LDLRAD4: variants seen among roughly 807,000 people sequenced by gnomAD.
LDLRAD4 encodes low density lipoprotein receptor class A domain containing 4.
In LDLRAD4, 5 loss-of-function variants were observed where a neutral mutation model predicts 17.0. The ratio of observed to expected loss-of-function variants is 0.29; its 90% CI spans 0.15 to 0.62. LDLRAD4 has a LOEUF of 0.62. Among genes scored for constraint, LDLRAD4 ranks in the 20% least tolerant of loss-of-function variants. The probability of loss-of-function intolerance (pLI) is 0.84; values close to 1 mark genes in which losing one functional copy is unlikely to be tolerated. For synonymous variants in LDLRAD4, 168 were observed against 171.8 expected (o/e 0.98, Z 0.17); for missense variants, 340 against 424.7 (o/e 0.80, Z 1.75).
chr18:13,231,742 C>T (rs573828320), intron 1 of LDLRAD4, among the ~76,000 whole-genome samples: 1 of 152,312 alleles, frequency 6.6e-6, no homozygotes, highest in East Asian at 1.9e-4. Flanking sequence ...TTTTCACAGA[C>T]AACATCTAAT....
intron 1 of LDLRAD4, among the ~76,000 whole-genome samples, chr18:13,229,605 T>G (rs2145479986): frequency 6.6e-6 from 1 of 152,278 alleles, no homozygotes; most frequent in Admixed American, 6.5e-5. Flanking sequence ...GGTTTTACAA[T>G]CACGTCTTGA....
chr18:13,333,962 A>G (rs916131285), intron 1 of LDLRAD4, among the ~76,000 whole-genome samples: 1 of 152,180 alleles, frequency 6.6e-6, no homozygotes, highest in Non-Finnish European at 1.5e-5. Context: ...TTTGATTGCA[A>G]TTGCATTGAA....
At chr18:13,368,274 T>A (rs2084215580) in intron 1 of LDLRAD4, among the ~76,000 whole-genome samples, 1 of 151,732 alleles carries the variant, frequency 6.6e-6, no homozygotes, top group Non-Finnish European at 1.5e-5. Flanking sequence ...GGGGATGAGC[T>A]AAGGAGGAAG....
At chr18:13,540,138 T>C (rs1451791846) in intron 3 of LDLRAD4, among the ~76,000 whole-genome samples, 1 of 152,214 alleles carries the variant, frequency 6.6e-6, no homozygotes, top group Non-Finnish European at 1.5e-5. Context: ...AAACAGAATA[T>C]TTTGTTTGGT....
chr18:13,425,848 C>T (rs1189404349), intron 2 of LDLRAD4: 1 of 152,428 alleles, frequency 6.6e-6, no homozygotes, highest in Non-Finnish European at 1.5e-5. Context: ...TGGGCGGGGC[C>T]TGGGTGGTGT....
chr18:13,520,286 C>T (rs1326058641), intron 3 of LDLRAD4: 1 of 152,188 alleles, frequency 6.6e-6, no homozygotes, highest in African/African-American at 2.4e-5. Flanking sequence ...TTGGCATCCT[C>T]TGATCGAGAG....
intron 1 of LDLRAD4, among the ~76,000 whole-genome samples, chr18:13,356,583 A>G (rs2083356249): frequency 6.6e-6 from 1 of 152,226 alleles, no homozygotes; most frequent in African/African-American, 2.4e-5. Flanking sequence ...ACAGGTACAG[A>G]AAAGATAAGA....
intron 1 of LDLRAD4, among the ~76,000 whole-genome samples, chr18:13,318,519 C>A (rs765663537): frequency 8.5e-5 from 13 of 152,152 alleles, no homozygotes; most frequent in Non-Finnish European, 1.8e-4. Flanking sequence ...GCCTTAGCCT[C>A]CCAAAATGCT....
intron 1 of LDLRAD4, among the ~76,000 whole-genome samples, chr18:13,347,214 T>C (rs2082745737): frequency 6.6e-6 from 1 of 152,248 alleles, no homozygotes; most frequent in Non-Finnish European, 1.5e-5. Flanking sequence ...TGGTACTGGT[T>C]GTTCCTTTCC....
intron 1 of LDLRAD4, among the ~76,000 whole-genome samples, chr18:13,230,884 G>A (rs191008213): frequency 6.6e-6 from 1 of 152,316 alleles, no homozygotes; most frequent in East Asian, 1.9e-4. Flanking sequence ...CCTGACACAG[G>A]TCGGGGAGGG....
intron 1 of LDLRAD4, among the ~76,000 whole-genome samples, chr18:13,360,902 T>G (rs1471039350): frequency 6.6e-6 from 1 of 152,212 alleles, no homozygotes; most frequent in African/African-American, 2.4e-5. Flanking sequence ...CCCACTGATT[T>G]CTTTTTTCTC....
intron 3 of LDLRAD4, among the ~76,000 whole-genome samples, chr18:13,476,883 G>A (rs1337050634): frequency 6.6e-6 from 1 of 152,168 alleles, no homozygotes; most frequent in Non-Finnish European, 1.5e-5. Context: ...TATATTTTTG[G>A]ACAAAGGAAT....
chr18:13,380,321 T>C lies in LDLRAD4; in HGVS notation c.-382-7020T>C, dbSNP rs2085257979. On this transcript the variant is annotated intron_variant, in intron 1 of 5. Coordinates refer to ENST00000359446, the Ensembl canonical transcript of LDLRAD4. The stretch of plus-strand genomic sequence containing the variant: ...CTGGTGCAGGTGTGCACGGCTGTCT[T>C]CCTAGCATTGCAGGCTCTCCCTCCT... Among the ~76,000 whole-genome samples the C allele has an allele frequency of 3.3e-5, 5 of 152,312 alleles. No homozygotes were observed. In the South Asian group the frequency reaches 1.0e-3, roughly 32 times the overall value.
chr18:13,236,939 A>G (rs1284266242), intron 1 of LDLRAD4, among the ~76,000 whole-genome samples: 6 of 152,180 alleles, frequency 3.9e-5, no homozygotes, highest in Non-Finnish European at 8.8e-5. Context: ...GAGGATTGTA[A>G]CATTCCATAA....
At chr18:13,401,620 C>G (rs2087212313) in intron 2 of LDLRAD4, among the ~76,000 whole-genome samples, 1 of 152,170 alleles carries the variant, frequency 6.6e-6, no homozygotes, top group Non-Finnish European at 1.5e-5. Context: ...GTCTGGACAG[C>G]CTGGGCCTGT....
In LDLRAD4 at chr18:13,645,474, G is replaced by C; in HGVS notation, c.738G>C (p.Gly246=). Residue 246 remains glycine, a synonymous_variant, in exon 6 of 6, where the codon GGG becomes GGC. Transcript: ENST00000359446. This position sits in a 1 kb window ranked among gnomAD's most constrained non-coding sequence, Gnocchi z 5.7. ...GTGCAAGCACCTGCAGCAGTAACGG[G>C]AGGATGGAGGGGCCACCCCCCACAT... The C allele has an allele frequency of 6.2e-7, 1 of 1,611,890 alleles. No individual in the cohort carries two copies. The highest frequency in any genetic ancestry group is 8.5e-7 in the Non-Finnish European group (1 of 1,178,654).
intron 1 of LDLRAD4, among the ~76,000 whole-genome samples, chr18:13,265,508 G>A (rs964998803): frequency 4.6e-5 from 7 of 152,148 alleles, no homozygotes; most frequent in African/African-American, 7.2e-5. Context: ...TGGGCTCATC[G>A]CAATTTGTCA....
intron 1 of LDLRAD4, among the ~76,000 whole-genome samples, chr18:13,292,923 G>A (rs897991124): frequency 6.6e-6 from 1 of 152,234 alleles, no homozygotes. Flanking sequence ...GAAATGAGAC[G>A]ATGACGGAGG....
chr18:13,534,618 C>T (rs553745780), intron 3 of LDLRAD4, among the ~76,000 whole-genome samples: 1 of 152,124 alleles, frequency 6.6e-6, no homozygotes, highest in South Asian at 2.1e-4. Context: ...CTGGTGTGCC[C>T]TGTACTTTCT....
Sources: gnomAD v4.1 joint callset for allele counts (sites outside exome capture counted in the v4.1 genomes callset) on GRCh38, gnomAD v4.1.1 for gene constraint, Gnocchi (gnomAD v3.1) non-coding constraint, MANE v1.5 for transcripts, NCBI Gene and HGNC (gene_info 2026-07-23, HGNC 2026-07-21) for gene names.